The following BRD8 variants were observed in gnomAD, a reference collection of about 807,000 sequenced individuals.
BRD8 encodes the protein bromodomain-containing protein 8.
In BRD8, 67 loss-of-function variants were observed where a neutral mutation model predicts 143.1. That is an observed-to-expected ratio of 0.47 (90% CI 0.38 to 0.57). BRD8 has a LOEUF of 0.57. Ranked by LOEUF, BRD8 falls within the 20% of genes least tolerant of loss-of-function variation. The probability of loss-of-function intolerance (pLI) is 0.00; values close to 1 mark genes in which losing one functional copy is unlikely to be tolerated. For synonymous variants in BRD8, 505 were observed against 517.1 expected (o/e 0.98, Z 0.32); for missense variants, 1,103 against 1,503.0 (o/e 0.73, Z 4.40).
At chr5:138,163,425 G>A in intron 14 of BRD8, 81 bp from the exon 15 acceptor site, 1 of 1,511,422 alleles carries the variant, frequency 6.6e-7, no homozygotes, top group South Asian at 1.2e-5. Context: ...TGTCTTTTGG[G>A]TTAGAATTAG....
chr5:138,172,500 G>A (rs1554102547), intron 2 of BRD8, among the ~76,000 whole-genome samples: 1 of 128,508 alleles, frequency 7.8e-6, no homozygotes, highest in Non-Finnish European at 1.6e-5. Context: ...TCCAGCCTGG[G>A]GACAGAGTGA....
intron 23 of BRD8, among the ~76,000 whole-genome samples, chr5:138,147,338 G>A (rs1581404940): frequency 6.7e-6 from 1 of 149,906 alleles, no homozygotes; most frequent in East Asian, 1.9e-4. Context: ...ATATATGCAT[G>A]GTTCAGCTGT....
intron 10 of BRD8, 65 bp downstream of exon 10, chr5:138,166,453 G>T: frequency 2.0e-6 from 2 of 1,015,112 alleles, no homozygotes; most frequent in Non-Finnish European, 2.9e-6. Flanking sequence ...TGATGCTCTT[G>T]GTCATTTTTC....
chr5:138,146,164 T>C (rs924882703), intron 23 of BRD8, among the ~76,000 whole-genome samples: 7 of 149,924 alleles, frequency 4.7e-5, no homozygotes, highest in South Asian at 2.1e-4. Context: ...TTCCAGCGAT[T>C]CTCCTGCCTC....
intron 2 of BRD8, among the ~76,000 whole-genome samples, chr5:138,176,489 G>A (rs2350306): frequency 0.66 from 99,917 of 151,974 alleles, 33,048 homozygotes; most frequent in African/African-American, 0.71. Flanking sequence ...CACGATAATC[G>A]CTTGAACCTG....
intron 11 of BRD8, 144 bp downstream of exon 11, chr5:138,165,684 C>G: frequency 1.1e-6 from 1 of 911,260 alleles, no homozygotes; most frequent in South Asian, 1.9e-5. Context: ...CAAGATCGTG[C>G]CACTGCACTT....
At chr5:138,178,485 C>G in intron 1 of BRD8, 111 bp downstream of exon 1, 1 of 1,030,206 alleles carries the variant, frequency 9.7e-7, no homozygotes. Flanking sequence ...TCTGAAAACC[C>G]TGGGCTCTCA....
At chr5:138,155,696 A>T (rs1417396375) in intron 20 of BRD8, among the ~76,000 whole-genome samples, 3 of 151,028 alleles carry the variant, frequency 2.0e-5, no homozygotes, top group Non-Finnish European at 4.4e-5. Context: ...ACACCTGGCT[A>T]ATTTATTATT....
chr5:138,173,059 T>C (rs1754020425), intron 2 of BRD8, among the ~76,000 whole-genome samples: 1 of 152,184 alleles, frequency 6.6e-6, no homozygotes, highest in Non-Finnish European at 1.5e-5. Context: ...TAGTATCTGC[T>C]GATAAAATAA....
intron 15 of BRD8, among the ~76,000 whole-genome samples, chr5:138,162,834 TAAAAAA>T (rs1258814450): frequency 6.6e-6 from 1 of 151,900 alleles, no homozygotes; most frequent in East Asian, 1.9e-4. Flanking sequence ...TGGTTTCTAC[TAAAAAA>T]ATTTTTTTTA....
intron 23 of BRD8, among the ~76,000 whole-genome samples, chr5:138,147,813 C>G (rs980386619): frequency 1.3e-5 from 2 of 152,014 alleles, no homozygotes; most frequent in African/African-American, 4.8e-5. Context: ...TGGTGCACAT[C>G]TGTGTTCCCA....
At position 138,177,394 on chromosome 5, in the gene BRD8, G is replaced by C. The variant is rs114351698; in HGVS notation, c.116+177C>G. On this transcript the variant is annotated intron_variant, in intron 2 of 26. Coordinates refer to ENST00000254900, the MANE Select transcript of BRD8 (RefSeq NM_139199.2). Reference sequence around the variant, plus strand: ...AAAAATACAAAAATTAGCTGGGCGTGTCCGCACCACTGCACTCCAGCCTGG... The same window carrying C: ...AAAAATACAAAAATTAGCTGGGCGTCTCCGCACCACTGCACTCCAGCCTGG... 2,320 of 457,472 alleles carry C rather than the reference G, an allele frequency of 5.1e-3. 12 individuals carry two copies. The highest frequency in any genetic ancestry group is 7.7e-3 in the Non-Finnish European group (1,937 of 250,474). 28.3% of individuals were successfully genotyped at this position (457,472 alleles called of 1,614,324 possible).
intron 20 of BRD8, chr5:138,157,012 C>T: frequency 7.0e-7 from 1 of 1,427,166 alleles, no homozygotes; most frequent in East Asian, 2.5e-5. Context: ...AGGACATTAA[C>T]ATAGCCCATG....
At position 138,164,367 on chromosome 5, in the gene BRD8, A is replaced by G. The variant is rs1322305427; in HGVS notation, c.1778T>C (p.Ile593Thr). The change falls in exon 13 of 27, where the codon ATT becomes ACT. Residue 593 changes from isoleucine to threonine, a missense_variant. Transcript: ENST00000254900. ...MLSPSHGSNPIEDPLEAETQH... is the reference protein window; with the variant it reads ...MLSPSHGSNPTEDPLEAETQH... ...AGTCTCTGCCTCTAAAGGATCTTCA[A>G]TGGGATTTGAGCCATGTGATGGAGA... The G allele has an allele frequency of 1.4e-5, 22 of 1,614,010 alleles. No homozygotes were observed. The highest frequency in any genetic ancestry group is 1.1e-4 in the African/African-American group (8 of 74,918).
chr5:138,153,762 T>C (rs780284069), intron 20 of BRD8, among the ~76,000 whole-genome samples: 1 of 150,418 alleles, frequency 6.6e-6, no homozygotes, highest in Non-Finnish European at 1.5e-5. Flanking sequence ...CTGCAACCTC[T>C]GCTTCCTGGG....
intron 20 of BRD8, among the ~76,000 whole-genome samples, chr5:138,158,605 A>ATTT (rs769073581): frequency 7.3e-6 from 1 of 137,034 alleles, no homozygotes. Context: ...CACCCGGCTA[A>ATTT]TTTTTTTTTT....
chr5:138,171,481 AAG>A (rs1753861775), intron 3 of BRD8, 71 bp from the exon 4 acceptor site: 2 of 998,782 alleles, frequency 2.0e-6, no homozygotes, highest in Non-Finnish European at 3.1e-6. Flanking sequence ...TCAAAGTTTC[AAG>A]AGATTAGAGT....
chr5:138,159,427 G>C, intron 20 of BRD8, 128 bp downstream of exon 20: 1 of 946,738 alleles, frequency 1.1e-6, no homozygotes, highest in African/African-American at 1.6e-5. Context: ...CTTATTCAAT[G>C]ACCTGAATAA....
At chr5:138,160,742 A>T in intron 18 of BRD8, 149 bp downstream of exon 18, 1 of 661,280 alleles carries the variant, frequency 1.5e-6, no homozygotes. Flanking sequence ...AAGAAAATAA[A>T]AGTAAGAACA....
Sources: gnomAD v4.1 joint callset for allele counts (sites outside exome capture counted in the v4.1 genomes callset) on GRCh38, gnomAD v4.1.1 for gene constraint, MANE v1.5 for transcripts, NCBI Gene and HGNC (gene_info 2026-07-23, HGNC 2026-07-21) for gene names.